Variants in GRM7 observed in about 807,000 individuals in gnomAD.
GRM7 encodes metabotropic glutamate receptor 7.
A neutral mutation model predicts 84.5 loss-of-function variants in GRM7; 35 were observed. The ratio of observed to expected loss-of-function variants is 0.41; its 90% CI spans 0.32 to 0.55. The LOEUF is 0.55. Ranked by LOEUF, GRM7 falls within the 20% of genes least tolerant of loss-of-function variation. The pLI is 0.19. For synonymous variants in GRM7, 487 were observed against 455.1 expected, an observed-to-expected ratio of 1.07 and a Z score of -0.89; for missense variants, 1,003 against 1,194.6, an observed-to-expected ratio of 0.84 and a Z score of 2.36.
chr3:7,284,806 C>G (rs1010300246), intron 2 of GRM7, among the ~76,000 whole-genome samples: 1 of 151,902 alleles, frequency 6.6e-6, no homozygotes, highest in African/African-American at 2.4e-5. Flanking sequence ...TATATCACCT[C>G]CCCCCTCTAT....
chr3:7,012,955 G>A (rs1233294331), intron 1 of GRM7, among the ~76,000 whole-genome samples: 3 of 152,034 alleles, frequency 2.0e-5, no homozygotes, highest in South Asian at 2.1e-4. Context: ...GTCCAGGCTG[G>A]TCTCGAACTT....
Position 7,291,806 on chromosome 3 carries a change from G to A in GRM7, c.737-6878G>A, listed in dbSNP as rs373742580. ...GAGGGAATGGAGGTGATATGGTTTG[G>A]CTGTGTTCCCACCCAAATCTCCTCT... On this transcript the variant is annotated intron_variant, in intron 2 of 9. Coordinates refer to ENST00000357716, the MANE Select transcript of GRM7 (RefSeq NM_000844.4). Among the ~76,000 whole-genome samples the A allele has an allele frequency of 1.6e-4, 24 of 152,184 alleles. No individual in the cohort carries two copies. In the East Asian group the frequency reaches 1.9e-3, roughly 12 times the overall value.
intron 2 of GRM7, among the ~76,000 whole-genome samples, chr3:7,154,580 G>A (rs751673604): frequency 2.0e-5 from 3 of 152,080 alleles, no homozygotes; most frequent in African/African-American, 4.8e-5. Flanking sequence ...GTGCTAAGGA[G>A]AAAAAGGTGA....
intron 1 of GRM7, among the ~76,000 whole-genome samples, chr3:6,999,396 T>C (rs961534605): frequency 1.3e-5 from 2 of 152,152 alleles, no homozygotes; most frequent in Non-Finnish European, 2.9e-5. Context: ...CTTCCAAGTC[T>C]CTAGGAAGTT....
intron 5 of GRM7, among the ~76,000 whole-genome samples, chr3:7,441,035 T>C (rs907164302): frequency 6.6e-6 from 1 of 152,172 alleles, no homozygotes; most frequent in Non-Finnish European, 1.5e-5. Context: ...TTTGGTCAAA[T>C]GGTAATTCTG....
At chr3:7,272,370 A>T (rs1045507614) in intron 2 of GRM7, among the ~76,000 whole-genome samples, 2 of 152,200 alleles carry the variant, frequency 1.3e-5, no homozygotes, top group African/African-American at 4.8e-5. Context: ...CCTATGAGTC[A>T]GTGCTGAGTA....
Position 7,556,514 on chromosome 3 carries a change from C to G in GRM7, c.1516-21908C>G, listed in dbSNP as rs902156449. On this transcript the variant is annotated intron_variant, in intron 7 of 9. Transcript: ENST00000357716. Reference sequence around the variant, plus strand: ...CCTGCTATGAGGGGTCATTACTACCCTCTGTTGTAAATAGCCATTATTTTG... The same window carrying G: ...CCTGCTATGAGGGGTCATTACTACCGTCTGTTGTAAATAGCCATTATTTTG... 2.6e-5 allele frequency among the ~76,000 whole-genome samples: 4 copies of G among 152,216 alleles called. No homozygotes were observed. In the South Asian group the frequency reaches 8.3e-4, roughly 32 times the overall value.
intron 1 of GRM7, among the ~76,000 whole-genome samples, chr3:6,878,728 A>G (rs1695404515): frequency 6.6e-6 from 1 of 152,134 alleles, no homozygotes; most frequent in African/African-American, 2.4e-5. Flanking sequence ...CTCCAGGTGT[A>G]AGGCTCTAGA....
At chr3:7,668,668 A>G (rs528041373) in intron 8 of GRM7, among the ~76,000 whole-genome samples, 2 of 152,272 alleles carry the variant, frequency 1.3e-5, no homozygotes, top group Non-Finnish European at 2.9e-5. Flanking sequence ...AAGAAAGCAC[A>G]GGCAAAGGCC....
chr3:7,053,327 T>C (rs894961213), intron 1 of GRM7, among the ~76,000 whole-genome samples: 1 of 151,412 alleles, frequency 6.6e-6, no homozygotes, highest in Non-Finnish European at 1.5e-5. Context: ...CAAAATATTT[T>C]CTGCCAGGGT....
intron 2 of GRM7, among the ~76,000 whole-genome samples, chr3:7,195,096 G>A (rs1658220487): frequency 6.6e-6 from 1 of 152,148 alleles, no homozygotes. Context: ...ACCTGGCCTA[G>A]TACATTATGC....
At chr3:7,422,565 T>A (rs1696440859) in intron 5 of GRM7, among the ~76,000 whole-genome samples, 1 of 152,164 alleles carries the variant, frequency 6.6e-6, no homozygotes, top group African/African-American at 2.4e-5. Context: ...CTCCTGAATG[T>A]CTTGATTACA....
chr3:7,667,280 A>AAAGAG (rs1553634441), intron 8 of GRM7, among the ~76,000 whole-genome samples: 1 of 148,830 alleles, frequency 6.7e-6, no homozygotes, highest in Non-Finnish European at 1.5e-5. Flanking sequence ...AAAAAAAAAA[A>AAAGAG]AGAGAGAGAG....
chr3:7,104,337 A>C (rs2125026264), intron 1 of GRM7, among the ~76,000 whole-genome samples: 1 of 151,884 alleles, frequency 6.6e-6, no homozygotes, highest in East Asian at 1.9e-4. Flanking sequence ...TGTTGGCACC[A>C]GGATCTCAGT....
At chr3:7,570,461 A>C (rs1286621750) in intron 7 of GRM7, among the ~76,000 whole-genome samples, 1 of 152,202 alleles carries the variant, frequency 6.6e-6, no homozygotes, top group Non-Finnish European at 1.5e-5. Context: ...GGCCTCATGC[A>C]AGTCCAAAAT....
At chr3:7,544,898 C>T (rs907601573) in intron 7 of GRM7, among the ~76,000 whole-genome samples, 1 of 152,316 alleles carries the variant, frequency 6.6e-6, no homozygotes, top group East Asian at 1.9e-4. Flanking sequence ...TAAAAATTTT[C>T]GAACCTCTAA....
chr3:7,500,351 A>G (rs1315353211), intron 7 of GRM7, among the ~76,000 whole-genome samples: 5 of 152,230 alleles, frequency 3.3e-5, no homozygotes, highest in African/African-American at 7.2e-5. Flanking sequence ...ATCCCCTTCA[A>G]TGATGATAAG....
intron 1 of GRM7, among the ~76,000 whole-genome samples, chr3:7,143,194 T>C (rs1160187248): frequency 6.6e-6 from 1 of 152,132 alleles, no homozygotes; most frequent in Non-Finnish European, 1.5e-5. Flanking sequence ...TGATCAGTTG[T>C]AGGTACCAGT....
intron 8 of GRM7, chr3:7,636,277 G>T (rs1328300828): frequency 2.2e-6 from 1 of 456,622 alleles, no homozygotes; most frequent in South Asian, 1.5e-5. Context: ...CTGAATCATT[G>T]TAAGATAATG....
Sources: gnomAD v4.1 joint callset for allele counts (sites outside exome capture counted in the v4.1 genomes callset) on GRCh38, gnomAD v4.1.1 for gene constraint, MANE v1.5 for transcripts, NCBI Gene and HGNC (gene_info 2026-07-23, HGNC 2026-07-21) for gene names.